The following DMD variants were observed in gnomAD, a reference collection of about 807,000 sequenced individuals.
The protein encoded by DMD is mutant dystrophin.
In DMD, 63 loss-of-function variants were observed where a neutral mutation model predicts 330.1. The ratio of observed to expected loss-of-function variants is 0.19; its 90% CI spans 0.16 to 0.24. The LOEUF (loss-of-function observed/expected upper bound fraction) is 0.24. Among genes scored for constraint, DMD ranks in the 10% least tolerant of loss-of-function variants. DMD has a pLI of 1.00. For missense variants in DMD, 3,344 were observed against 2,684.1 expected (o/e 1.25, Z -5.43); for synonymous variants, 1,223 against 959.8 (o/e 1.27, Z -5.07).
intron 7 of DMD, among the ~76,000 whole-genome samples, chrX:32,731,472 C>A (rs1259225984): frequency 1.8e-5 from 2 of 112,809 alleles, no homozygotes; most frequent in African/African-American, 6.4e-5. Context: ...CACAGACAAA[C>A]AAAAAGACAG....
chrX:32,968,228 C>A lies in DMD; in HGVS notation c.93+51911G>T, dbSNP rs907161244. ...GTCAGATTAAATGGCTTTACTTGAG[C>A]TGTTTCCAACTTTCAAACAGATTTT... is the stretch of plus-strand genomic sequence containing the variant. On this transcript the variant is annotated intron_variant, in intron 2 of 78. Coordinates refer to ENST00000357033, the MANE Select transcript of DMD (RefSeq NM_004006.3). Among the ~76,000 whole-genome samples the A allele has an allele frequency of 4.3e-5, 4 of 93,483 alleles. 1 individual carries two copies. The highest frequency in any genetic ancestry group is 8.3e-5 in the Non-Finnish European group (4 of 48,449). 81.2% of individuals were successfully genotyped at this position (93,483 alleles called of 115,157 possible).
chrX:31,211,350 C>T (rs1054377250), intron 64 of DMD, among the ~76,000 whole-genome samples: 5 of 111,928 alleles, frequency 4.5e-5, no homozygotes, highest in Admixed American at 1.9e-4. Flanking sequence ...CTTAGAAACA[C>T]GGTATGCCAG....
chrX:31,420,249 AC>A (rs1434170582), intron 60 of DMD, among the ~76,000 whole-genome samples: 36 of 112,679 alleles, frequency 3.2e-4, no homozygotes, highest in African/African-American at 1.1e-3. Context: ...CCGTCCCTTG[AC>A]TAACTACTGA....
intron 11 of DMD, among the ~76,000 whole-genome samples, chrX:32,643,696 A>C (rs1303116551): frequency 8.9e-6 from 1 of 111,752 alleles, no homozygotes; most frequent in Non-Finnish European, 1.9e-5. Context: ...ATGTTTTTCA[A>C]GAGGATTTCC....
intron 34 of DMD, among the ~76,000 whole-genome samples, chrX:32,379,735 A>G (rs1392746967): frequency 9.0e-6 from 1 of 111,668 alleles, no homozygotes; most frequent in African/African-American, 3.2e-5. Flanking sequence ...TAATCTGGAT[A>G]GCCACATTGA....
intron 16 of DMD, among the ~76,000 whole-genome samples, chrX:32,557,510 C>T (rs1218511958): frequency 8.9e-6 from 1 of 111,760 alleles, no homozygotes; most frequent in Non-Finnish European, 1.9e-5. Context: ...ATTGCGTTGT[C>T]TGTCTATGTA....
chrX:32,073,372 G>T (rs2096316266), intron 44 of DMD, among the ~76,000 whole-genome samples: 1 of 111,417 alleles, frequency 9.0e-6, no homozygotes, highest in African/African-American at 3.3e-5. Context: ...AATTCTCCAG[G>T]ATTATTCTCT....
In DMD at chrX:32,048,346, T is replaced by A. The variant is rs771523835; in HGVS notation, c.6439-79832A>T. 4.7e-5 allele frequency among the ~76,000 whole-genome samples: 5 copies of A among 106,275 alleles called. No individual in the cohort carries two copies. The East Asian group carries it at 1.5e-3, about 32-fold the overall frequency. The allele number at this position is 106,275 out of a possible 115,157, so 92.3% of individuals were successfully genotyped here. A position where few individuals can be genotyped will look rare whatever the true frequency, so the allele number is the denominator to read the frequency against. ...AGGCCTCCGTTCCCAAGCATGCTTTTAAATTTTTTTTTTCTCTTGACACAT... is the reference window on the plus strand; with the variant it reads ...AGGCCTCCGTTCCCAAGCATGCTTTAAAATTTTTTTTTTCTCTTGACACAT... On this transcript the variant is annotated intron_variant, in intron 44 of 78. Transcript: ENST00000357033.
At chrX:31,134,607 G>A (rs1383561083) in intron 76 of DMD, among the ~76,000 whole-genome samples, 1 of 110,791 alleles carries the variant, frequency 9.0e-6, no homozygotes, top group East Asian at 2.8e-4. Context: ...ATTTTTAGTA[G>A]AGACAGGGTT....
intron 2 of DMD, among the ~76,000 whole-genome samples, chrX:32,899,669 G>A (rs1327952648): frequency 3.4e-5 from 3 of 87,446 alleles, no homozygotes; most frequent in Admixed American, 1.3e-4. Flanking sequence ...GCAAGACTCC[G>A]TCTCAAAAAA....
intron 13 of DMD, among the ~76,000 whole-genome samples, chrX:32,584,052 A>G (rs2053954288): frequency 9.0e-6 from 1 of 111,217 alleles, no homozygotes; most frequent in Non-Finnish European, 1.9e-5. Context: ...TGTAATATAA[A>G]CAGCAAAGAA....
chrX:32,310,688 G>C (rs748819282), intron 41 of DMD, among the ~76,000 whole-genome samples: 1 of 110,388 alleles, frequency 9.1e-6, no homozygotes, highest in Non-Finnish European at 1.9e-5. Context: ...ACTCATATCT[G>C]TTTTATTCCT....
At chrX:32,555,989 G>T (rs944555007) in intron 16 of DMD, among the ~76,000 whole-genome samples, 3 of 111,801 alleles carry the variant, frequency 2.7e-5, no homozygotes, top group African/African-American at 9.8e-5. Flanking sequence ...TTAAACTAAA[G>T]AACTTCTGCA....
chrX:32,620,794 T>C (rs2057931961), intron 11 of DMD, among the ~76,000 whole-genome samples: 1 of 111,839 alleles, frequency 8.9e-6, no homozygotes, highest in African/African-American at 3.2e-5. Flanking sequence ...ACAAAAATAA[T>C]TAGAATATAA....
At chrX:31,640,746 C>T (rs2079690192) in intron 54 of DMD, among the ~76,000 whole-genome samples, 1 of 112,146 alleles carries the variant, frequency 8.9e-6, no homozygotes, top group Non-Finnish European at 1.9e-5. Flanking sequence ...TTACTTCTCT[C>T]CTATATTTCT....
At chrX:31,714,469 A>G (rs1251928123) in intron 52 of DMD, among the ~76,000 whole-genome samples, 1 of 111,877 alleles carries the variant, frequency 8.9e-6, no homozygotes, top group Non-Finnish European at 1.9e-5. Flanking sequence ...GCATTATTAT[A>G]TTATCTTAAG....
At chrX:33,002,935 T>G (rs757588950) in intron 2 of DMD, among the ~76,000 whole-genome samples, 1 of 106,197 alleles carries the variant, frequency 9.4e-6, no homozygotes, top group Non-Finnish European at 1.9e-5. Flanking sequence ...GCACCAGGTG[T>G]GCTAAAACAG....
At chrX:31,147,619 T>G in intron 74 of DMD, 101 bp from the exon 75 acceptor site, 491 of 536,059 alleles carry the variant, frequency 9.2e-4, no homozygotes, top group Non-Finnish European at 1.3e-3. Flanking sequence ...TATACCATGG[T>G]AGATAGATGC....
chrX:31,440,687 T>G (rs146644068), intron 60 of DMD, among the ~76,000 whole-genome samples: 81 of 112,294 alleles, frequency 7.2e-4, no homozygotes, highest in Non-Finnish European at 1.3e-3. Flanking sequence ...GATGAGAGAA[T>G]GCACATGAGG....
Sources: allele counts gnomAD v4.1 joint callset (sites outside exome capture counted in the v4.1 genomes callset), GRCh38; gene constraint gnomAD v4.1.1; transcripts MANE v1.5; gene names NCBI Gene and HGNC (gene_info 2026-07-23, HGNC 2026-07-21).